EVA1A: variants seen among roughly 807,000 people sequenced by gnomAD.
EVA1A encodes eva-1 homolog A, regulator of programmed cell death, also known as protein eva-1 homolog A.
EVA1A carries 7 observed loss-of-function variants against 9.8 expected under a neutral mutation model. That is an observed-to-expected ratio of 0.71 (90% CI 0.41 to 1.34). The LOEUF (loss-of-function observed/expected upper bound fraction) is 1.34. Among genes scored for constraint, EVA1A ranks in the 40% most tolerant of loss-of-function variants. EVA1A has a pLI of 0.01. For synonymous variants in EVA1A, 90 were observed against 85.6 expected (o/e 1.05, Z -0.28); for missense variants, 206 against 205.9 (o/e 1.00, Z 0.00).
At chr2:75,538,805 A>G (rs1259586392) in intron 1 of EVA1A, among the ~76,000 whole-genome samples, 1 of 152,256 alleles carries the variant, frequency 6.6e-6, no homozygotes, top group Non-Finnish European at 1.5e-5. Flanking sequence ...TTATAGAAAT[A>G]GGGAATAAAT....
In EVA1A at chr2:75,512,708, G is replaced by A. The variant is rs549573314; in HGVS notation, c.85+5348C>T. ...TCTTCCTTGCCTGCCTCTGCTCTAG[G>A]GCATGCTTTCTCAACCTCAGAACTA... On this transcript the variant is annotated intron_variant, in intron 3 of 3. Transcript: ENST00000393913. 2.1e-3 allele frequency among the ~76,000 whole-genome samples: 326 copies of A among 152,170 alleles called. 2 individuals carry two copies. The highest frequency in any genetic ancestry group is 4.8e-3 in the Admixed American group (74 of 15,278).
In EVA1A at chr2:75,493,243, T is replaced by A. The variant is rs769457382; in HGVS notation, c.452A>T (p.Tyr151Phe). Reference protein sequence around the residue: ...EVPGTRSLNRYY With the variant: ...EVPGTRSLNRFY ...CCGGGGTCCTGCTGCTCCCTAATAG[T>A]AGCGATTCAGGCTCCTGGTCCCGGG... Residue 151 changes from tyrosine to phenylalanine, a missense_variant, in exon 4 of 4, where the codon TAC becomes TTC. Tyr to Phe is a conservative substitution (Grantham distance 22). Transcript: ENST00000393913. 9.9e-6 allele frequency: 16 copies of A among 1,611,166 alleles called. No homozygotes were observed. In the East Asian group the frequency reaches 2.0e-4, roughly 20 times the overall value.
At chr2:75,564,911 A>G (rs1222422721), upstream of EVA1A, among the ~76,000 whole-genome samples, 1 of 152,222 alleles carries the variant, frequency 6.6e-6, no homozygotes, top group African/African-American at 2.4e-5. Flanking sequence ...ACTAAGGCAC[A>G]ACACCCAAAG....
upstream of EVA1A, chr2:75,561,084 G>C (rs1346431374): frequency 6.6e-6 from 1 of 152,038 alleles, no homozygotes; most frequent in Non-Finnish European, 1.5e-5. Context: ...GAACGGCTGC[G>C]GCGTGCGGCA....
At chr2:75,524,535 T>C (rs913669387) in intron 1 of EVA1A, among the ~76,000 whole-genome samples, 5 of 152,040 alleles carry the variant, frequency 3.3e-5, no homozygotes, top group African/African-American at 1.2e-4. Context: ...TCTGAAAAAA[T>C]ATAATCATTC....
intron 1 of EVA1A, among the ~76,000 whole-genome samples, chr2:75,549,950 A>G (rs764423925): frequency 2.0e-5 from 3 of 152,240 alleles, no homozygotes; most frequent in Admixed American, 6.5e-5. Flanking sequence ...TGTCAGCATC[A>G]TGAACATGAA....
chr2:75,497,969 A>C lies in EVA1A; in HGVS notation c.86-4360T>G, dbSNP rs140598986. Among the ~76,000 whole-genome samples the C allele has an allele frequency of 6.2e-4, 94 of 152,226 alleles. 1 individual carries two copies. Among genetic ancestry groups the C allele is most frequent in the Middle Eastern group, 3.4e-3 (1 of 294 alleles). ...TATGATTTGACCCAGCAATCCCACT[A>C]CTGGGTGTATATCTAAAGGAAAATA... On this transcript the variant is annotated intron_variant, in intron 3 of 3. Coordinates refer to ENST00000393913, the MANE Select transcript of EVA1A (RefSeq NM_001135032.2).
chr2:75,514,749 A>G (rs1361490130), intron 3 of EVA1A, among the ~76,000 whole-genome samples: 2 of 152,292 alleles, frequency 1.3e-5, no homozygotes, highest in African/African-American at 4.8e-5. Context: ...TGTATTATAA[A>G]TAATTCTGAG....
chr2:75,506,060 T>A (rs1478847541), intron 3 of EVA1A, among the ~76,000 whole-genome samples: 1 of 152,208 alleles, frequency 6.6e-6, no homozygotes, highest in Admixed American at 6.5e-5. Flanking sequence ...TATAACACTG[T>A]TCAATATTGC....
chr2:75,500,256 G>A (rs1045183793), intron 3 of EVA1A, among the ~76,000 whole-genome samples: 1 of 152,188 alleles, frequency 6.6e-6, no homozygotes, highest in Non-Finnish European at 1.5e-5. Flanking sequence ...CAAAACTGAA[G>A]GAAGGCCTAA....
At chr2:75,497,893 A>G (rs1298498862) in intron 3 of EVA1A, among the ~76,000 whole-genome samples, 3 of 150,126 alleles carry the variant, frequency 2.0e-5, no homozygotes, top group Non-Finnish European at 3.0e-5. Context: ...AAATTAGTTC[A>G]GCCCCTGTGG....
At chr2:75,555,336 T>TCCCTCTCTCTCTCTCC (rs1676672338) in intron 1 of EVA1A, among the ~76,000 whole-genome samples, 1 of 102,744 alleles carries the variant, frequency 9.7e-6, no homozygotes. Context: ...TCTCTCTCTC[T>TCCCTCTCTCTCTCTCC]CCCCCATCTC....
intron 1 of EVA1A, among the ~76,000 whole-genome samples, chr2:75,525,555 T>C (rs2103872077): frequency 6.6e-6 from 1 of 152,322 alleles, no homozygotes; most frequent in South Asian, 2.1e-4. Flanking sequence ...GGCTCTTGTG[T>C]TCCATCCTTC....
rs1553414721 is a variant in EVA1A at position 75,492,425 on chromosome 2, A to AAC, written c.*810_*811insGT. The AAC allele has an allele frequency of 2.0e-5, 3 of 151,998 alleles. No individual in the cohort carries two copies. Among genetic ancestry groups the AAC allele is most frequent in the Non-Finnish European group, 2.9e-5 (2 of 67,950 alleles). 9.4% of individuals were successfully genotyped at this position (151,998 alleles called of 1,614,324 possible). A position where few individuals can be genotyped will look rare whatever the true frequency, so the allele number is the denominator to read the frequency against. On this transcript the variant is annotated 3_prime_UTR_variant, in exon 4 of 4. Coordinates refer to ENST00000393913, the MANE Select transcript of EVA1A (RefSeq NM_001135032.2). ...TGAAATCCAATTAAAAAAAAAAAAA[A>AAC]AAACAAAGTGTTTAAAATCACAATT... is the stretch of plus-strand genomic sequence containing the variant.
chr2:75,543,906 T>G (rs1188233670), intron 1 of EVA1A, among the ~76,000 whole-genome samples: 1 of 152,210 alleles, frequency 6.6e-6, no homozygotes, highest in Non-Finnish European at 1.5e-5. Context: ...CACCTTATTC[T>G]AACACAATGG....
At chr2:75,522,535 T>A (rs1675268327) in intron 1 of EVA1A, 48 bp from the exon 2 acceptor site, 1 of 152,170 alleles carries the variant, frequency 6.6e-6, no homozygotes. Flanking sequence ...ACCCAGGAGA[T>A]CACATCATAC....
intron 1 of EVA1A, among the ~76,000 whole-genome samples, chr2:75,540,459 A>T (rs1037140705): frequency 6.6e-6 from 1 of 152,188 alleles, no homozygotes; most frequent in Non-Finnish European, 1.5e-5. Flanking sequence ...CTAAAGTTTC[A>T]TTGTATAAAG....
chr2:75,515,431 C>T (rs1049679821), intron 3 of EVA1A, among the ~76,000 whole-genome samples: 2 of 152,186 alleles, frequency 1.3e-5, no homozygotes, highest in African/African-American at 4.8e-5. Context: ...GCAAATTATA[C>T]TGGTGTTTGA....
rs574328268 is a variant in EVA1A, at chr2:75,519,518, C to T, written c.-68-1310G>A. On this transcript the variant is annotated intron_variant, in intron 2 of 3. Transcript: ENST00000393913. ...AGAAACAACCATAAAGTCCTTGGAG[C>T]GGCCAGAGGCTCTGAGAGTGACAGG... 2.2e-4 allele frequency among the ~76,000 whole-genome samples: 33 copies of T among 152,278 alleles called. 1 individual carries two copies. The South Asian group carries it at 5.6e-3, about 26-fold the overall frequency.
Sources: allele counts gnomAD v4.1 joint callset (sites outside exome capture counted in the v4.1 genomes callset), GRCh38; gene constraint gnomAD v4.1.1; transcripts MANE v1.5; gene names NCBI Gene and HGNC (gene_info 2026-07-23, HGNC 2026-07-21).